MCTP2: variants seen among roughly 807,000 people sequenced by gnomAD.
MCTP2 encodes the protein multiple C2 and transmembrane domain containing 2.
MCTP2 carries 132 observed loss-of-function variants against 111.6 expected under a neutral mutation model. That is an observed-to-expected ratio of 1.18 (90% CI 1.03 to 1.37). MCTP2 has a LOEUF of 1.37. Ranked by LOEUF, MCTP2 falls within the 40% of genes most tolerant of loss-of-function variation. The probability of loss-of-function intolerance (pLI) is 0.00; values close to 1 mark genes in which losing one functional copy is unlikely to be tolerated. For synonymous variants in MCTP2, 395 were observed against 387.7 expected (o/e 1.02, Z -0.22); for missense variants, 1,183 against 1,067.9 (o/e 1.11, Z -1.50).
chr15:94,355,113 A>C (rs1353182190), intron 8 of MCTP2, among the ~76,000 whole-genome samples: 1 of 152,238 alleles, frequency 6.6e-6, no homozygotes, highest in East Asian at 1.9e-4. Context: ...ACTAGCCATA[A>C]AAAGGCATGG....
At chr15:94,281,674 TA>T (rs1263106256) in intron 1 of MCTP2, among the ~76,000 whole-genome samples, 1 of 152,196 alleles carries the variant, frequency 6.6e-6, no homozygotes, top group African/African-American at 2.4e-5. Flanking sequence ...TACTTCAGTA[TA>T]TTTTTTTGAT....
At chr15:94,471,298 A>C (rs972906111) in intron 21 of MCTP2, among the ~76,000 whole-genome samples, 2 of 152,208 alleles carry the variant, frequency 1.3e-5, no homozygotes. Flanking sequence ...AGGGATCTTC[A>C]GATGTTAAGA....
intron 16 of MCTP2, 57 bp from the exon 17 acceptor site, chr15:94,401,843 G>A: frequency 8.6e-6 from 12 of 1,400,952 alleles, no homozygotes; most frequent in Non-Finnish European, 1.1e-5. Flanking sequence ...ACCTGATCTA[G>A]ATGGAATATT....
chr15:94,282,743 G>A (rs1380309852), intron 1 of MCTP2, among the ~76,000 whole-genome samples: 1 of 152,134 alleles, frequency 6.6e-6, no homozygotes, highest in Non-Finnish European at 1.5e-5. Flanking sequence ...ATCCCCTTGA[G>A]GGTTTGACTG....
intron 3 of MCTP2, chr15:94,314,860 G>A: frequency 2.3e-6 from 1 of 443,496 alleles, no homozygotes; most frequent in Non-Finnish European, 4.5e-6. Context: ...CTGAGTTGCG[G>A]GAAGGTGAGA....
intron 13 of MCTP2, among the ~76,000 whole-genome samples, chr15:94,384,522 A>G (rs1394954166): frequency 1.3e-5 from 2 of 152,168 alleles, no homozygotes; most frequent in African/African-American, 4.8e-5. Context: ...AGAGACCCCC[A>G]AAGGCTCCTT....
At chr15:94,414,995 G>A (rs1363247748) in intron 17 of MCTP2, among the ~76,000 whole-genome samples, 1 of 152,148 alleles carries the variant, frequency 6.6e-6, no homozygotes. Flanking sequence ...CTGCAGTCCA[G>A]CCTGAGAGTC....
intron 1 of MCTP2, among the ~76,000 whole-genome samples, chr15:94,250,003 A>T (rs898698121): frequency 6.6e-6 from 1 of 152,046 alleles, no homozygotes; most frequent in African/African-American, 2.4e-5. Flanking sequence ...AAAAAAGCAC[A>T]TATTATCTGC....
At chr15:94,362,898 C>T (rs1253791453) in intron 10 of MCTP2, among the ~76,000 whole-genome samples, 1 of 152,112 alleles carries the variant, frequency 6.6e-6, no homozygotes, top group African/African-American at 2.4e-5. Context: ...TAAATCAGCA[C>T]ATTAACTGCC....
chr15:94,242,381 T>G (rs1481329665), intron 1 of MCTP2, among the ~76,000 whole-genome samples: 1 of 152,154 alleles, frequency 6.6e-6, no homozygotes, highest in Non-Finnish European at 1.5e-5. Flanking sequence ...TGTCTATTAT[T>G]CAAGGAAAAG....
chr15:94,406,352 C>A (rs542739773), intron 17 of MCTP2, among the ~76,000 whole-genome samples: 1 of 152,186 alleles, frequency 6.6e-6, no homozygotes, highest in African/African-American at 2.4e-5. Flanking sequence ...TTGCTTTAGT[C>A]TGTGCAGGCT....
At chr15:94,299,478 T>C (rs2075494968) in intron 2 of MCTP2, among the ~76,000 whole-genome samples, 1 of 152,208 alleles carries the variant, frequency 6.6e-6, no homozygotes, top group Non-Finnish European at 1.5e-5. Flanking sequence ...TGCACTCGCC[T>C]GTGAACAAGC....
At chr15:94,423,829 T>G (rs2082740564) in intron 17 of MCTP2, among the ~76,000 whole-genome samples, 1 of 152,214 alleles carries the variant, frequency 6.6e-6, no homozygotes, top group South Asian at 2.1e-4. Flanking sequence ...AAAGCAAATG[T>G]AAAATATGTC....
At chr15:94,243,151 A>T (rs1277281451) in intron 1 of MCTP2, among the ~76,000 whole-genome samples, 1 of 147,246 alleles carries the variant, frequency 6.8e-6, no homozygotes, top group Admixed American at 6.7e-5. Context: ...ATATTTATAT[A>T]CGTGTGTGTA....
At chr15:94,251,828 C>G (rs912025919) in intron 1 of MCTP2, among the ~76,000 whole-genome samples, 1 of 152,174 alleles carries the variant, frequency 6.6e-6, no homozygotes, top group Admixed American at 6.5e-5. Context: ...CATCATTCTA[C>G]TTTCTGTCTC....
intron 17 of MCTP2, among the ~76,000 whole-genome samples, chr15:94,435,406 C>T (rs562049993): frequency 1.5e-4 from 23 of 152,022 alleles, no homozygotes; most frequent in African/African-American, 5.3e-4. Context: ...TACTGTGTTG[C>T]TTTCATGGTG....
At chr15:94,352,504 A>G (rs1484248788) in intron 8 of MCTP2, among the ~76,000 whole-genome samples, 2 of 152,200 alleles carry the variant, frequency 1.3e-5, no homozygotes, top group African/African-American at 4.8e-5. Context: ...AAGGAGAAAA[A>G]TAACAAAACC....
intron 19 of MCTP2, among the ~76,000 whole-genome samples, chr15:94,448,107 A>C (rs1438571729): frequency 6.6e-6 from 1 of 152,182 alleles, no homozygotes; most frequent in African/African-American, 2.4e-5. Flanking sequence ...TTGCCTTCCC[A>C]ATTTCCTGTA....
At chr15:94,241,271 C>T (rs1282590265) in intron 1 of MCTP2, among the ~76,000 whole-genome samples, 3 of 152,174 alleles carry the variant, frequency 2.0e-5, no homozygotes, top group African/African-American at 7.2e-5. Context: ...GTGCCGGGCA[C>T]AGCCTCATCT....
Sources: allele counts gnomAD v4.1 joint callset (sites outside exome capture counted in the v4.1 genomes callset), GRCh38; gene constraint gnomAD v4.1.1; transcripts MANE v1.5; gene names NCBI Gene and HGNC (gene_info 2026-07-23, HGNC 2026-07-21).